R3HDM1: variants seen among roughly 807,000 people sequenced by gnomAD.
R3HDM1 encodes the protein R3H domain containing 1.
A neutral mutation model predicts 141.1 loss-of-function variants in R3HDM1; 46 were observed. The observed-to-expected ratio is 0.33, with a 90% confidence interval of 0.26 to 0.42. R3HDM1 has a LOEUF of 0.42. R3HDM1 is among the 10% of genes least tolerant of loss of function. The probability of loss-of-function intolerance (pLI) is 1.00; values close to 1 mark genes in which losing one functional copy is unlikely to be tolerated. For synonymous variants in R3HDM1, 435 were observed against 472.9 expected, an observed-to-expected ratio of 0.92 and a Z score of 1.04; for missense variants, 1,184 against 1,368.3, an observed-to-expected ratio of 0.87 and a Z score of 2.12.
At chr2:135,634,370 A>G (rs1249891706) in intron 9 of R3HDM1, among the ~76,000 whole-genome samples, 2 of 152,194 alleles carry the variant, frequency 1.3e-5, no homozygotes, top group African/African-American at 4.8e-5. Context: ...GCCAGGCGCA[A>G]TGTCTCACGC....
chr2:135,635,555 A>C (rs578157770), intron 9 of R3HDM1, among the ~76,000 whole-genome samples: 2 of 152,178 alleles, frequency 1.3e-5, no homozygotes, highest in Non-Finnish European at 2.9e-5. Context: ...TATAATTCCC[A>C]TTTTACAAAT....
intron 3 of R3HDM1, among the ~76,000 whole-genome samples, chr2:135,614,895 G>T (rs2060879440): frequency 6.6e-6 from 1 of 150,812 alleles, no homozygotes; most frequent in Non-Finnish European, 1.5e-5. Context: ...TACTTTTATT[G>T]TTAGATGTGA....
intron 21 of R3HDM1, among the ~76,000 whole-genome samples, chr2:135,699,545 G>C (rs1559468618): frequency 1.3e-5 from 2 of 152,342 alleles, no homozygotes; most frequent in Admixed American, 6.5e-5. Flanking sequence ...TAGATGGATA[G>C]ATATGGCAGC....
At chr2:135,574,694 T>TAGGG (rs1343615124) in intron 1 of R3HDM1, among the ~76,000 whole-genome samples, 4 of 152,206 alleles carry the variant, frequency 2.6e-5, no homozygotes, top group Non-Finnish European at 4.4e-5. Context: ...ACATACTCCC[T>TAGGG]ATTGATAGAT....
rs2105230606 is a variant in R3HDM1 at position 135,635,911 on chromosome 2, A to G, written c.720A>G (p.Glu240=). 4 of 1,598,762 alleles carry G rather than the reference A, an allele frequency of 2.5e-6. No individual in the cohort carries two copies. Among genetic ancestry groups the G allele is most frequent in the Non-Finnish European group, 2.6e-6 (3 of 1,174,988 alleles). ...TAAGACCTGATCAGAAATTTAATGAACATATTAAGGATGATAAAGGTGAAG... is the reference window on the plus strand; with the variant it reads ...TAAGACCTGATCAGAAATTTAATGAGCATATTAAGGATGATAAAGGTGAAG... ...NTRIPDQKFN[E]HIKDDKGEDF... The change falls in exon 10 of 27, where the codon GAA becomes GAG. Residue 240 remains glutamate, a synonymous_variant. Transcript: ENST00000683871.
At chr2:135,638,500 T>C (rs2063479753) in intron 11 of R3HDM1, 118 bp from the exon 12 acceptor site, 4 of 1,042,468 alleles carry the variant, frequency 3.8e-6, no homozygotes, top group South Asian at 1.5e-5. Context: ...TGTGTACCCT[T>C]ATCACCATTT....
chr2:135,599,934 C>T (rs1309257948), intron 1 of R3HDM1, among the ~76,000 whole-genome samples: 1 of 151,404 alleles, frequency 6.6e-6, no homozygotes, highest in East Asian at 1.9e-4. Flanking sequence ...CTCAGGAGGC[C>T]GGAGTGGAAG....
At chr2:135,723,405 G>A (rs941833829) in intron 26 of R3HDM1, among the ~76,000 whole-genome samples, 1 of 151,804 alleles carries the variant, frequency 6.6e-6, no homozygotes, top group Admixed American at 6.6e-5. Context: ...TTACAGGTGC[G>A]CCCGGCTCAG....
chr2:135,626,248 C>G (rs1280491474), intron 7 of R3HDM1, among the ~76,000 whole-genome samples: 1 of 152,030 alleles, frequency 6.6e-6, no homozygotes, highest in Non-Finnish European at 1.5e-5. Context: ...TGCTTGCTTG[C>G]TGGTGGAGAG....
chr2:135,722,100 GC>G, intron 25 of R3HDM1, 94 bp downstream of exon 25: 1 of 1,210,582 alleles, frequency 8.3e-7, no homozygotes, highest in Non-Finnish European at 1.2e-6. Context: ...TGTTGGCACT[GC>G]CCAAGAAGAG....
rs766759513 is a variant in R3HDM1, at chr2:135,645,501, C to A, written c.1597C>A (p.Pro533Thr). The A allele has an allele frequency of 6.2e-7, 1 of 1,614,082 alleles. No homozygotes were observed. The highest frequency in any genetic ancestry group is 8.5e-7 in the Non-Finnish European group (1 of 1,180,004). Residue 533 changes from proline (P) to threonine (T), a missense_variant, in exon 16 of 27, where the codon CCA (proline) becomes ACA (threonine). Physicochemically the swap from Pro to Thr is conservative, Grantham distance 38. Around this residue, in one of 5 missense-constraint regions of R3HDM1, gnomAD observed 563 missense variants for 562.0 expected, o/e 1.00. Transcript: ENST00000683871. ...ACCTCTGCCAGCCCCACCTCAACAACCAGCAGCTAATCACATTTTCTCACA... is the reference window on the plus strand; with the variant it reads ...ACCTCTGCCAGCCCCACCTCAACAAACAGCAGCTAATCACATTTTCTCACA... ...QPPLPAPPQQ[P>T]AANHIFSQPV...
intron 17 of R3HDM1, chr2:135,650,474 GTGAC>G: frequency 1.0e-6 from 1 of 978,794 alleles, no homozygotes; most frequent in Non-Finnish European, 1.2e-6. Flanking sequence ...TATTTAATCT[GTGAC>G]TGTAAAGTAA....
intron 17 of R3HDM1, 42 bp downstream of exon 17, chr2:135,650,045 G>T: frequency 8.5e-7 from 1 of 1,180,392 alleles, no homozygotes; most frequent in Admixed American, 3.5e-5. Flanking sequence ...TTCTGTGGGT[G>T]GATGTGTGAT....
Position 135,638,997 on chromosome 2 carries a change from C to T in R3HDM1, c.1094C>T (p.Ser365Leu). 1 of 1,614,166 alleles carries T rather than the reference C, an allele frequency of 6.2e-7. No individual in the cohort carries two copies. The highest frequency in any genetic ancestry group is 8.5e-7 in the Non-Finnish European group (1 of 1,180,024). ...SEPRPWSSTD[S>L]DSSLRNLKPA... ...CCACGACCCTGGAGCAGCACAGATT[C>T]AGACAGCTCTCTTCGAAACCTGAAA... is the stretch of plus-strand genomic sequence containing the variant. The change falls in exon 14 of 27, where the codon TCA (serine) becomes TTA (leucine). Residue 365 changes from serine (S) to leucine (L), a missense_variant. This residue lies in a region of R3HDM1 where 240 missense variants were observed against 312.3 expected (regional missense o/e 0.77). Coordinates refer to ENST00000683871, the MANE Select transcript of R3HDM1 (RefSeq NM_001378107.1).
At chr2:135,587,717 A>T (rs1432812063) in intron 1 of R3HDM1, among the ~76,000 whole-genome samples, 1 of 152,034 alleles carries the variant, frequency 6.6e-6, no homozygotes, top group African/African-American at 2.4e-5. Context: ...GCTTTTATCC[A>T]TCCTTTGTCA....
chr2:135,589,048 G>A (rs575866379), intron 1 of R3HDM1, among the ~76,000 whole-genome samples: 2 of 152,128 alleles, frequency 1.3e-5, no homozygotes, highest in South Asian at 2.1e-4. Flanking sequence ...AAGAACAGAC[G>A]CTCATTTAGC....
intron 21 of R3HDM1, among the ~76,000 whole-genome samples, chr2:135,704,703 TCCTCCCCGG>T (rs989332972): frequency 3.9e-4 from 58 of 150,566 alleles, no homozygotes; most frequent in African/African-American, 1.4e-3. Context: ...AAGTGAGCCG[TCCTCCCCGG>T]CCTCCCCAGA....
At chr2:135,627,822 A>G (rs1357894799) in intron 7 of R3HDM1, among the ~76,000 whole-genome samples, 1 of 152,128 alleles carries the variant, frequency 6.6e-6, no homozygotes, top group Non-Finnish European at 1.5e-5. Context: ...CATATGAAAC[A>G]TTGGGTGGAG....
At position 135,724,637 on chromosome 2, in the gene R3HDM1, A is replaced by G. The variant is rs956448533; in HGVS notation, c.*345A>G. 7 of 184,492 alleles carry G rather than the reference A, an allele frequency of 3.8e-5. 1 individual carries two copies. The South Asian group carries it at 1.1e-3, about 29-fold the overall frequency. The allele number at this position is 184,492 out of a possible 1,614,324, so 11.4% of individuals were successfully genotyped here. On this transcript the variant is annotated 3_prime_UTR_variant, in exon 27 of 27. Transcript: ENST00000683871. ...CAGCAAATTATTCTTCAAAATGATT[A>G]TAACCAGTTGCACCCTGTATTTCTT...
Sources: allele counts gnomAD v4.1 joint callset (sites outside exome capture counted in the v4.1 genomes callset), GRCh38; gene constraint gnomAD v4.1.1; regional missense constraint gnomAD v4.1.1; transcripts MANE v1.5; gene names NCBI Gene and HGNC (gene_info 2026-07-23, HGNC 2026-07-21).